BTAF1: variants seen among roughly 807,000 people sequenced by gnomAD.
BTAF1 encodes TATA-binding protein-associated factor 172.
A neutral mutation model predicts 227.1 loss-of-function variants in BTAF1; 38 were observed. The observed-to-expected ratio is 0.17, with a 90% CI of 0.13 to 0.22. The LOEUF (loss-of-function observed/expected upper bound fraction) is 0.22, where lower values mean the gene tolerates loss of function less well. Ranked by LOEUF, BTAF1 falls within the 10% of genes least tolerant of loss-of-function variation. BTAF1 has a pLI of 1.00. For missense variants in BTAF1, 1,598 were observed against 2,204.0 expected (o/e 0.73, Z 5.51); for synonymous variants, 742 against 751.9 (o/e 0.99, Z 0.21).
chr10:91,924,345 A>C (rs1843684076), intron 1 of BTAF1, among the ~76,000 whole-genome samples: 1 of 151,646 alleles, frequency 6.6e-6, no homozygotes, highest in African/African-American at 2.4e-5. Flanking sequence ...CTCTTTCCTC[A>C]CCATGTTTCT....
At chr10:91,927,231 C>T (rs558508517) in intron 1 of BTAF1, among the ~76,000 whole-genome samples, 4 of 151,976 alleles carry the variant, frequency 2.6e-5, no homozygotes, top group South Asian at 2.1e-4. Flanking sequence ...CTCCACCTCC[C>T]GGGTTCAAAC....
chr10:91,971,764 G>T (rs562436936), intron 14 of BTAF1, among the ~76,000 whole-genome samples: 33 of 152,074 alleles, frequency 2.2e-4, no homozygotes, highest in African/African-American at 7.5e-4. Flanking sequence ...GAGCCACCGT[G>T]CCCAGCCCAA....
intron 25 of BTAF1, among the ~76,000 whole-genome samples, chr10:92,005,306 A>T (rs1419018175): frequency 6.6e-6 from 1 of 151,940 alleles, no homozygotes. Flanking sequence ...GAGTTTTAGG[A>T]TTGCTTTTTC....
rs1042608056 is a variant in BTAF1, at chr10:92,030,396, T to G, written c.*1463T>G. ...GCAAAAGATTATTCAGGTATACAGG[T>G]TTTTTTTCATTGTTTAGGATTTTAA... is the stretch of plus-strand genomic sequence containing the variant. On this transcript the variant is annotated 3_prime_UTR_variant, in exon 38 of 38. Coordinates refer to ENST00000265990, the MANE Select transcript of BTAF1 (RefSeq NM_003972.3). The G allele has an allele frequency of 1.3e-5, 2 of 152,262 alleles. No individual in the cohort carries two copies. Among genetic ancestry groups the G allele is most frequent in the Non-Finnish European group, 2.9e-5 (2 of 67,936 alleles). The allele number at this position is 152,262 out of a possible 1,614,324, so 9.4% of individuals were successfully genotyped here.
At chr10:92,014,338 C>T (rs931018636) in intron 32 of BTAF1, among the ~76,000 whole-genome samples, 10 of 152,132 alleles carry the variant, frequency 6.6e-5, no homozygotes, top group Admixed American at 5.2e-4. Flanking sequence ...AGTGATTCTC[C>T]AGCCTCAGTC....
intron 9 of BTAF1, 80 bp from the exon 10 acceptor site, chr10:91,959,705 T>A (rs1391422789): frequency 2.0e-5 from 13 of 641,532 alleles, no homozygotes; most frequent in East Asian, 4.9e-5. Flanking sequence ...TTTAAAAAAA[T>A]TATGTTAAAA....
At chr10:92,000,226 T>A (rs1849426506) in intron 25 of BTAF1, among the ~76,000 whole-genome samples, 1 of 152,204 alleles carries the variant, frequency 6.6e-6, no homozygotes, top group South Asian at 2.1e-4. Context: ...TAACTCAGAT[T>A]CTTTCAACTC....
intron 32 of BTAF1, among the ~76,000 whole-genome samples, chr10:92,014,476 C>T (rs367556503): frequency 1.3e-5 from 2 of 152,186 alleles, no homozygotes; most frequent in African/African-American, 2.4e-5. Context: ...GTCCTCCCAC[C>T]TTGGCCTTCC....
At chr10:91,938,204 G>A (rs1589754220) in intron 2 of BTAF1, among the ~76,000 whole-genome samples, 1 of 152,210 alleles carries the variant, frequency 6.6e-6, no homozygotes, top group East Asian at 1.9e-4. Context: ...CATATACAAG[G>A]TATCCAAACT....
rs1047141952 is a variant in BTAF1 at position 91,939,635 on chromosome 10, A to G, written c.139-317A>G. 3.3e-5 allele frequency among the ~76,000 whole-genome samples: 5 copies of G among 152,122 alleles called. No individual in the cohort carries two copies. The South Asian group carries it at 6.2e-4, about 19-fold the overall frequency. ...GTATTTTTTGTAGAGATGGAGTTTCACCATGTTGGCCAAGCTGGTCTTGAA... is the reference window on the plus strand; with the variant it reads ...GTATTTTTTGTAGAGATGGAGTTTCGCCATGTTGGCCAAGCTGGTCTTGAA... On this transcript the variant is annotated intron_variant, in intron 2 of 37. Coordinates refer to ENST00000265990, the MANE Select transcript of BTAF1 (RefSeq NM_003972.3).
At position 91,960,088 on chromosome 10, in the gene BTAF1, A is replaced by T. The variant is rs1336844513; in HGVS notation, c.1197A>T (p.Thr399=). Residue 399 remains threonine (T), a synonymous_variant, in exon 11 of 38, where the codon ACA becomes ACT. Transcript: ENST00000265990. The part of the protein sequence containing the change: ...KTVDVLLKLL[T]QEQWEVRHGG... ...TGGATGTGCTGCTAAAATTACTTAC[A>T]CAAGAACAATGGGAAGTTAGACATG... 6.2e-7 allele frequency: 1 copy of T among 1,613,956 alleles called. No individual in the cohort carries two copies. The highest frequency in any genetic ancestry group is 1.1e-5 in the South Asian group (1 of 91,064).
intron 4 of BTAF1, among the ~76,000 whole-genome samples, chr10:91,947,608 A>G (rs999944886): frequency 6.6e-6 from 1 of 151,956 alleles, no homozygotes. Flanking sequence ...TTATTGTTGC[A>G]TTGTAGTAAG....
intron 34 of BTAF1, among the ~76,000 whole-genome samples, chr10:92,020,515 C>T (rs966011994): frequency 1.3e-5 from 2 of 152,234 alleles, no homozygotes; most frequent in South Asian, 4.1e-4. Context: ...TTGAGAACAA[C>T]TAATGAATGA....
rs923839292 is a variant in BTAF1, at chr10:91,939,828, T to C, written c.139-124T>C. The stretch of plus-strand genomic sequence containing the variant: ...ATGAATTTAATAATTCTAAGGTGTT[T>C]TATATGTATTTGGATGGCTGCCAAA... On this transcript the variant is annotated intron_variant, in intron 2 of 37. Coordinates refer to ENST00000265990, the MANE Select transcript of BTAF1 (RefSeq NM_003972.3). 1.1e-5 allele frequency: 6 copies of C among 550,848 alleles called. No individual in the cohort carries two copies. The African/African-American group carries it at 1.1e-4, about 10-fold the overall frequency. 34.1% of individuals were successfully genotyped at this position (550,848 alleles called of 1,614,324 possible).
At chr10:91,979,099 G>C (rs1751925810) in intron 14 of BTAF1, among the ~76,000 whole-genome samples, 1 of 151,974 alleles carries the variant, frequency 6.6e-6, no homozygotes, top group South Asian at 2.1e-4. Context: ...GTGTTAGTTT[G>C]CTAAGGATAA....
At chr10:91,974,367 C>G (rs1847533866) in intron 14 of BTAF1, among the ~76,000 whole-genome samples, 1 of 152,178 alleles carries the variant, frequency 6.6e-6, no homozygotes, top group Non-Finnish European at 1.5e-5. Context: ...ATGCACATCT[C>G]TAAAATGTCC....
Position 91,993,826 on chromosome 10 carries a change from A to T in BTAF1, c.3178A>T (p.Thr1060Ser), listed in dbSNP as rs1290970950. The T allele has an allele frequency of 1.3e-6, 2 of 1,596,724 alleles. No homozygotes were observed. Among genetic ancestry groups the T allele is most frequent in the Non-Finnish European group, 1.7e-6 (2 of 1,171,944 alleles). The change falls in exon 22 of 38, where the codon ACA (threonine) becomes TCA (serine). Residue 1060 changes from threonine to serine, a missense_variant. By Grantham distance (58) the Thr-to-Ser change is moderately conservative. This residue lies in a region of BTAF1 where 425 missense variants were observed against 491.2 expected (regional missense o/e 0.87). Coordinates refer to ENST00000265990, the MANE Select transcript of BTAF1 (RefSeq NM_003972.3). ...WDAMVGPLRN[T>S]IDINNFDGKS... The stretch of plus-strand genomic sequence containing the variant: ...TGCTATGGTTGGCCCATTGAGGAAT[A>T]CAATCGACATAAATAATTTTGGTAT...
chr10:91,975,669 A>G (rs558134072), intron 14 of BTAF1, among the ~76,000 whole-genome samples: 9 of 152,352 alleles, frequency 5.9e-5, no homozygotes, highest in African/African-American at 2.2e-4. Flanking sequence ...ATGCTGGTAG[A>G]AATGATGAAT....
At chr10:91,973,101 GTGT>G (rs756067011) in intron 14 of BTAF1, among the ~76,000 whole-genome samples, 26 of 152,118 alleles carry the variant, frequency 1.7e-4, no homozygotes, top group Non-Finnish European at 3.1e-4. Flanking sequence ...TGATTTCTTA[GTGT>G]TGTTAAGTAT....
Sources: gnomAD v4.1 joint callset for allele counts (sites outside exome capture counted in the v4.1 genomes callset) on GRCh38, gnomAD v4.1.1 for gene constraint, gnomAD v4.1.1 regional missense constraint, MANE v1.5 for transcripts, NCBI Gene and HGNC (gene_info 2026-07-23, HGNC 2026-07-21) for gene names.